TNFRSF21: variants seen among roughly 807,000 people sequenced by gnomAD.
TNFRSF21 encodes the protein tumor necrosis factor receptor superfamily member 21.
A neutral mutation model predicts 45.6 loss-of-function variants in TNFRSF21; 19 were observed. The observed-to-expected ratio is 0.42, with a 90% CI of 0.29 to 0.61. The LOEUF (loss-of-function observed/expected upper bound fraction) is 0.61, where lower values mean the gene tolerates loss of function less well. TNFRSF21 is among the 20% of genes least tolerant of loss of function. The probability of loss-of-function intolerance (pLI) is 0.23; values close to 1 mark genes in which losing one functional copy is unlikely to be tolerated. For missense variants in TNFRSF21, 737 were observed against 851.5 expected, an observed-to-expected ratio of 0.87 and a Z score of 1.67; for synonymous variants, 314 against 335.5, an observed-to-expected ratio of 0.94 and a Z score of 0.70.
chr6:47,238,236 G>A (rs1764689226), intron 4 of TNFRSF21, among the ~76,000 whole-genome samples: 2 of 152,194 alleles, frequency 1.3e-5, no homozygotes, highest in Admixed American at 1.3e-4. Context: ...TATCAATGTG[G>A]CTGAGCTCCT....
chr6:47,309,708 C>T lies in TNFRSF21; in HGVS notation c.-197G>A, dbSNP rs1231521148. 2 of 738,624 alleles carry T rather than the reference C, an allele frequency of 2.7e-6. No individual in the cohort carries two copies. The highest frequency in any genetic ancestry group is 1.8e-5 in the African/African-American group (1 of 54,280). 45.8% of individuals were successfully genotyped at this position (738,624 alleles called of 1,614,324 possible). ...GCTCTAGGGGCGCTCAGCACCTGCC[C>T]AGCGGCGCGGCCGCCCAGGCGGGGA... On this transcript the variant is annotated 5_prime_UTR_variant, in exon 1 of 6. Transcript: ENST00000296861.
intron 1 of TNFRSF21, among the ~76,000 whole-genome samples, chr6:47,308,322 G>A (rs535448508): frequency 7.3e-4 from 111 of 152,332 alleles, no homozygotes; most frequent in African/African-American, 2.5e-3. Flanking sequence ...GAAGGAGACA[G>A]CAAGCCTGCT....
rs34093099 is a variant in TNFRSF21, at chr6:47,232,624, A to AACACAC, written c.*135_*140dup. 1,802 of 563,116 alleles carry AACACAC rather than the reference A, an allele frequency of 3.2e-3. 23 individuals carry two copies. Among genetic ancestry groups the AACACAC allele is most frequent in the African/African-American group, 0.029 (1,463 of 50,172 alleles). 34.9% of individuals were successfully genotyped at this position (563,116 alleles called of 1,614,324 possible). A position where few individuals can be genotyped will look rare whatever the true frequency, so the allele number is the denominator to read the frequency against. On this transcript the variant is annotated 3_prime_UTR_variant, in exon 6 of 6. Coordinates refer to ENST00000296861, the MANE Select transcript of TNFRSF21 (RefSeq NM_014452.5). ...CAAGCACTGGCCATATTCTCTGTTA[A>AACACAC]ACACACACACACACACACACACACA...
At chr6:47,237,302 G>T (rs1219987177) in intron 4 of TNFRSF21, among the ~76,000 whole-genome samples, 1 of 152,058 alleles carries the variant, frequency 6.6e-6, no homozygotes, top group African/African-American at 2.4e-5. Context: ...AAAAAAAAAT[G>T]CTCATAGAAA....
At chr6:47,255,730 T>C (rs1764976594) in intron 3 of TNFRSF21, among the ~76,000 whole-genome samples, 1 of 152,190 alleles carries the variant, frequency 6.6e-6, no homozygotes, top group African/African-American at 2.4e-5. Flanking sequence ...CCCAAAGTGC[T>C]GGGATTACAG....
At chr6:47,285,864 T>C in intron 2 of TNFRSF21, 80 bp downstream of exon 2, 3 of 1,459,214 alleles carry the variant, frequency 2.1e-6, no homozygotes, top group Non-Finnish European at 2.8e-6. Context: ...GGAGAAAACA[T>C]CTTTGGTATA....
chr6:47,302,792 T>TG (rs1561954093), intron 1 of TNFRSF21, among the ~76,000 whole-genome samples: 5 of 152,256 alleles, frequency 3.3e-5, no homozygotes. Context: ...ACCAACAACT[T>TG]GCAGAAAAAG....
At chr6:47,285,876 G>A in intron 2 of TNFRSF21, 68 bp downstream of exon 2, 2 of 1,525,192 alleles carry the variant, frequency 1.3e-6, no homozygotes, top group Non-Finnish European at 1.8e-6. Context: ...TTTGGTATAA[G>A]CCCACTCTTG....
At chr6:47,285,322 T>C (rs180918348) in intron 2 of TNFRSF21, among the ~76,000 whole-genome samples, 2 of 152,314 alleles carry the variant, frequency 1.3e-5, no homozygotes, top group East Asian at 1.9e-4. Context: ...ACTTGAATAA[T>C]TGATATAAGG....
Position 47,232,674 on chromosome 6 carries a change from C to T in TNFRSF21, c.*91G>A, listed in dbSNP as rs1040801186. The T allele has an allele frequency of 1.7e-6, 2 of 1,165,460 alleles. No homozygotes were observed. Among genetic ancestry groups the T allele is most frequent in the Admixed American group, 1.8e-5 (1 of 54,296 alleles). 72.2% of individuals were successfully genotyped at this position (1,165,460 alleles called of 1,614,324 possible). On this transcript the variant is annotated 3_prime_UTR_variant, in exon 6 of 6. Coordinates refer to ENST00000296861, the MANE Select transcript of TNFRSF21 (RefSeq NM_014452.5). ...ACACACACACAAACACACACACACACCCCAAACAACAAAAATCAGAAACAG... is the reference window on the plus strand; with the variant it reads ...ACACACACACAAACACACACACACATCCCAAACAACAAAAATCAGAAACAG...
At chr6:47,296,926 G>A (rs923001328) in intron 1 of TNFRSF21, among the ~76,000 whole-genome samples, 3 of 152,186 alleles carry the variant, frequency 2.0e-5, no homozygotes, top group East Asian at 1.9e-4. Flanking sequence ...TCTGTGAGCC[G>A]CTCTTGCAGA....
chr6:47,245,650 T>C (rs956137379), intron 4 of TNFRSF21, among the ~76,000 whole-genome samples: 1 of 148,822 alleles, frequency 6.7e-6, no homozygotes, highest in Non-Finnish European at 1.5e-5. Context: ...ACAATTATAA[T>C]TAACAGTATT....
chr6:47,265,988 C>G (rs933029709), intron 3 of TNFRSF21, among the ~76,000 whole-genome samples: 1 of 152,124 alleles, frequency 6.6e-6, no homozygotes, highest in African/African-American at 2.4e-5. Flanking sequence ...TTCCTGATAC[C>G]TGATTGAAGA....
chr6:47,257,102 T>C (rs1388646816), intron 3 of TNFRSF21, among the ~76,000 whole-genome samples: 2 of 152,174 alleles, frequency 1.3e-5, no homozygotes, highest in East Asian at 3.8e-4. Context: ...TCAATGCATT[T>C]CAGATGCAAA....
At chr6:47,280,202 A>G (rs1762549025) in intron 3 of TNFRSF21, among the ~76,000 whole-genome samples, 1 of 152,182 alleles carries the variant, frequency 6.6e-6, no homozygotes, top group Non-Finnish European at 1.5e-5. Context: ...GAGGTTTTAG[A>G]AGACCTCTGA....
At chr6:47,301,436 T>C (rs553309456) in intron 1 of TNFRSF21, among the ~76,000 whole-genome samples, 3 of 152,344 alleles carry the variant, frequency 2.0e-5, no homozygotes, top group East Asian at 1.9e-4. Flanking sequence ...AGAGGAGTCA[T>C]GGACTTCTAC....
chr6:47,281,831 ATT>A (rs35146692), intron 3 of TNFRSF21, among the ~76,000 whole-genome samples: 62 of 148,020 alleles, frequency 4.2e-4, no homozygotes, highest in African/African-American at 1.3e-3. Context: ...AAATAAAAAG[ATT>A]TTTTTTTTTT....
intron 4 of TNFRSF21, among the ~76,000 whole-genome samples, chr6:47,242,261 C>T (rs1416405754): frequency 6.6e-6 from 1 of 152,104 alleles, no homozygotes; most frequent in Non-Finnish European, 1.5e-5. Context: ...TCTGTTCAAG[C>T]ACAGAATAAT....
At chr6:47,265,664 C>T (rs571286244) in intron 3 of TNFRSF21, among the ~76,000 whole-genome samples, 1 of 152,268 alleles carries the variant, frequency 6.6e-6, no homozygotes, top group Admixed American at 6.5e-5. Context: ...TAGAACAGGA[C>T]ATGGCACTCA....
Sources: gnomAD v4.1 joint callset for allele counts (sites outside exome capture counted in the v4.1 genomes callset) on GRCh38, gnomAD v4.1.1 for gene constraint, MANE v1.5 for transcripts, NCBI Gene and HGNC (gene_info 2026-07-23, HGNC 2026-07-21) for gene names.